The following RNF212 variants were observed in gnomAD, a reference collection of about 807,000 sequenced individuals.
RNF212 encodes probable E3 SUMO-protein ligase RNF212.
Under a neutral mutation model 34.7 loss-of-function variants are expected in RNF212, and 33 were observed. That is an observed-to-expected ratio of 0.95 (90% confidence interval 0.72 to 1.27). RNF212 has a LOEUF of 1.27. Among genes scored for constraint, RNF212 ranks in the 50% most tolerant of loss-of-function variants. The probability of loss-of-function intolerance (pLI) is 0.00; values close to 1 mark genes in which losing one functional copy is unlikely to be tolerated. For synonymous variants in RNF212, 140 were observed against 136.1 expected (o/e 1.03, Z -0.20); for missense variants, 377 against 362.2 (o/e 1.04, Z -0.33).
intron 2 of RNF212, among the ~76,000 whole-genome samples, chr4:1,102,793 A>G (rs1011423806): frequency 2.6e-5 from 4 of 152,058 alleles, no homozygotes; most frequent in Non-Finnish European, 5.9e-5. Flanking sequence ...TGGAGCTTGC[A>G]GTGAGCCAAG....
At chr4:1,083,037 C>T (rs936064871) in intron 5 of RNF212, among the ~76,000 whole-genome samples, 3 of 152,192 alleles carry the variant, frequency 2.0e-5, no homozygotes, top group African/African-American at 4.8e-5. Context: ...CGGTCTGGGG[C>T]GGGTCAGCTG....
intron 4 of RNF212, 74 bp downstream of exon 4, chr4:1,090,708 T>C (rs758420912): frequency 2.4e-6 from 2 of 820,862 alleles, no homozygotes; most frequent in Non-Finnish European, 4.3e-6. Flanking sequence ...GAGAGCAAGG[T>C]GTTAATTAAC....
At chr4:1,077,350 AG>A (rs1199428235) in intron 8 of RNF212, among the ~76,000 whole-genome samples, 1 of 152,200 alleles carries the variant, frequency 6.6e-6, no homozygotes, top group Non-Finnish European at 1.5e-5. Context: ...AATTTCCAAC[AG>A]TAGCACCTAG....
intron 2 of RNF212, chr4:1,099,904 G>A (rs1349034731): frequency 1.3e-5 from 6 of 455,766 alleles, no homozygotes; most frequent in Admixed American, 2.3e-5. Context: ...TTGGTGACTC[G>A]CTGTCAGACA....
chr4:1,092,968 G>C (rs952091178), intron 3 of RNF212, among the ~76,000 whole-genome samples: 3 of 87,734 alleles, frequency 3.4e-5, no homozygotes, highest in African/African-American at 6.4e-5. Context: ...TCGTCCACAT[G>C]AGCTCCAAAC....
intron 3 of RNF212, chr4:1,093,924 G>A: frequency 6.5e-7 from 1 of 1,536,186 alleles, no homozygotes; most frequent in Non-Finnish European, 8.7e-7. Context: ...GCTGCTGCTT[G>A]GCTTCCATGG....
At chr4:1,108,160 AAAGTTTTAAAAATT>A (rs1725109895) in intron 2 of RNF212, among the ~76,000 whole-genome samples, 169 bp downstream of exon 2, 1 of 152,258 alleles carries the variant, frequency 6.6e-6, no homozygotes. Context: ...TATAGCTAAG[AAAGTTTTAAAAATT>A]AAGTTTTAAA....
downstream of RNF212, among the ~76,000 whole-genome samples, chr4:1,067,895 A>G (rs1016747042): frequency 6.6e-5 from 10 of 152,082 alleles, no homozygotes; most frequent in Non-Finnish European, 1.5e-4. Flanking sequence ...AGAAATACCT[A>G]AAGTGTAAGT....
intron 4 of RNF212, among the ~76,000 whole-genome samples, chr4:1,057,917 C>T (rs767451517): frequency 9.9e-5 from 15 of 152,084 alleles, no homozygotes; most frequent in Non-Finnish European, 1.8e-4. Flanking sequence ...CAAAATTAGC[C>T]GAGTGTGGTG....
At chr4:1,073,863 TA>T in intron 8 of RNF212, 1 of 589,388 alleles carries the variant, frequency 1.7e-6, no homozygotes, top group East Asian at 2.8e-5. Flanking sequence ...TGTGGGTGGG[TA>T]TTACCTGATT....
At chr4:1,085,535 AGGCTGCAGGTGGAGTCCCGCAGTCCCT>A (rs1721024811) in intron 5 of RNF212, among the ~76,000 whole-genome samples, 1 of 152,228 alleles carries the variant, frequency 6.6e-6, no homozygotes, top group South Asian at 2.1e-4. Flanking sequence ...GCAGGCAGCC[AGGCTGCAGGTGGAGTCCCGCAGTCCCT>A]GGCTGCAGGG....
chr4:1,112,021 C>T (rs1725750500), intron 1 of RNF212, among the ~76,000 whole-genome samples: 1 of 152,174 alleles, frequency 6.6e-6, no homozygotes. Flanking sequence ...CCATCCTGGG[C>T]AACAAAGGGA....
At chr4:1,091,223 C>T (rs1253649854) in intron 3 of RNF212, among the ~76,000 whole-genome samples, 2 of 152,198 alleles carry the variant, frequency 1.3e-5, no homozygotes, top group African/African-American at 4.8e-5. Flanking sequence ...CAGAATGAGG[C>T]TAAGCGAGAC....
At position 1,085,911 on chromosome 4, in the gene RNF212, A is replaced by G. The variant is rs759535226; in HGVS notation, c.347T>C (p.Ile116Thr). 2.9e-5 allele frequency: 46 copies of G among 1,612,250 alleles called. No homozygotes were observed. The highest frequency in any genetic ancestry group is 4.0e-5 in the African/African-American group (3 of 74,914). ...EESLRKSVLQIEQLQSMRSSQ... is the reference protein window; with the variant it reads ...EESLRKSVLQTEQLQSMRSSQ... ...GGCGCCTTACCTTTGTAGTTGTTCT[A>G]TCTGCAGCACTGACTTCCTAAGGGA... Residue 116 changes from isoleucine (I) to threonine (T), a missense_variant, in exon 5 of 10, where the codon ATA becomes ACA. Physicochemically the swap from Ile to Thr is moderately conservative, Grantham distance 89 (BLOSUM62 -1). Coordinates refer to ENST00000433731, the MANE Select transcript of RNF212 (RefSeq NM_001131034.4).
Position 1,072,878 on chromosome 4 carries a change from A to C in RNF212, c.890T>G (p.Phe297Cys), listed in dbSNP as rs1414636965. 6.3e-7 allele frequency: 1 copy of C among 1,596,542 alleles called. No individual in the cohort carries two copies. The highest frequency in any genetic ancestry group is 8.5e-7 in the Non-Finnish European group (1 of 1,170,462). Residue 297 changes from phenylalanine to cysteine, a missense_variant, in exon 10 of 10, where the codon TTT becomes TGT. Phe to Cys is a radical substitution (Grantham distance 205). Transcript: ENST00000433731. Reference protein sequence around the residue: ...PLCQFERKKSF With the variant: ...PLCQFERKKSC ...TAATAGTCACATAAATGCAAATCAA[A>C]ATGACTTTTTCCTTTCAAATTGGCA...
chr4:1,079,973 A>G (rs1364086300), intron 7 of RNF212, among the ~76,000 whole-genome samples: 2 of 151,996 alleles, frequency 1.3e-5, no homozygotes, highest in African/African-American at 4.8e-5. Context: ...ACCTCTGCAC[A>G]CTCAGCTTCT....
intron 4 of RNF212, among the ~76,000 whole-genome samples, chr4:1,089,005 G>A (rs925988926): frequency 9.2e-5 from 14 of 152,394 alleles, no homozygotes; most frequent in Middle Eastern, 3.4e-3. Context: ...CTAGGGCAGT[G>A]CAGAAGGGAA....
intron 3 of RNF212, chr4:1,094,050 G>GCTTGCTGCAGTGGGATAAC (rs140326541): frequency 0.11 from 162,001 of 1,502,854 alleles, 13,015 homozygotes; most frequent in African/African-American, 0.43. Context: ...AAGCAAGGAA[G>GCTTGCTGCAGTGGGATAAC]CTCCCAGAGG....
chr4:1,062,885 A>T (rs1717841387), intron 3 of RNF212, among the ~76,000 whole-genome samples: 1 of 152,242 alleles, frequency 6.6e-6, no homozygotes, highest in Non-Finnish European at 1.5e-5. Flanking sequence ...CCATCTATAA[A>T]AATCAGTTGT....
Sources: allele counts gnomAD v4.1 joint callset (sites outside exome capture counted in the v4.1 genomes callset), GRCh38; gene constraint gnomAD v4.1.1; transcripts MANE v1.5; gene names NCBI Gene and HGNC (gene_info 2026-07-23, HGNC 2026-07-21).